Variants in SMCHD1 observed in about 807,000 individuals in gnomAD.
The protein encoded by SMCHD1 is structural maintenance of chromosomes flexible hinge domain-containing protein 1.
In SMCHD1, 78 loss-of-function variants were observed where a neutral mutation model predicts 254.7. The ratio of observed to expected loss-of-function variants is 0.31; its 90% confidence interval spans 0.26 to 0.37. SMCHD1 has a LOEUF of 0.37. Among genes scored for constraint, SMCHD1 ranks in the 10% least tolerant of loss-of-function variants. The pLI is 1.00. For missense variants in SMCHD1, 1,840 were observed against 2,408.1 expected, an observed-to-expected ratio of 0.76 and a Z score of 4.94; for synonymous variants, 766 against 794.9, an observed-to-expected ratio of 0.96 and a Z score of 0.61.
At chr18:2,695,324 T>G (rs2074263310) in intron 8 of SMCHD1, among the ~76,000 whole-genome samples, 1 of 151,876 alleles carries the variant, frequency 6.6e-6, no homozygotes, top group African/African-American at 2.4e-5. Flanking sequence ...TTTTTTTTTT[T>G]TTGAGACGGA....
At chr18:2,737,851 A>G (rs1373232523) in intron 25 of SMCHD1, among the ~76,000 whole-genome samples, 1 of 152,228 alleles carries the variant, frequency 6.6e-6, no homozygotes, top group Admixed American at 6.5e-5. Flanking sequence ...TAGAGCAAAC[A>G]ACTTGAAAAA....
intron 24 of SMCHD1, 39 bp downstream of exon 24, chr18:2,729,448 C>T: frequency 7.2e-7 from 1 of 1,390,490 alleles, no homozygotes; most frequent in East Asian, 2.7e-5. Flanking sequence ...TATATTGAGT[C>T]TTCATACAAA....
intron 10 of SMCHD1, among the ~76,000 whole-genome samples, chr18:2,700,290 T>C (rs1394213560): frequency 6.6e-6 from 1 of 152,208 alleles, no homozygotes; most frequent in East Asian, 1.9e-4. Context: ...TTTAGCCTCA[T>C]GAATAGGTTT....
chr18:2,728,473 G>A lies in SMCHD1; in HGVS notation c.2790G>A (p.Leu930=), dbSNP rs2075068076. The A allele has an allele frequency of 1.2e-6, 2 of 1,612,780 alleles. No individual in the cohort carries two copies. Among genetic ancestry groups the A allele is most frequent in the South Asian group, 1.1e-5 (1 of 90,926 alleles). The change falls in exon 23 of 48, where the codon CTG becomes CTA. Residue 930 remains leucine, a synonymous_variant. Transcript: ENST00000320876. ...IRLLPGHPRR[L]KVKPDSEILV... is the part of the protein sequence containing the mutation. Reference sequence around the variant, plus strand: ...TACTGTTAGGTCACCCTCGTCGACTGAAAGTGAAACCTGATTCTGAAATTT... The same window carrying A: ...TACTGTTAGGTCACCCTCGTCGACTAAAAGTGAAACCTGATTCTGAAATTT...
At chr18:2,712,538 A>G (rs967886575) in intron 17 of SMCHD1, among the ~76,000 whole-genome samples, 2 of 152,226 alleles carry the variant, frequency 1.3e-5, no homozygotes, top group African/African-American at 4.8e-5. Flanking sequence ...AACAGAGGCC[A>G]ACTTTTCATA....
In SMCHD1 at chr18:2,748,389, A is replaced by ATT. The variant is rs1378317162; in HGVS notation, c.3927+742_3927+743insTT. ...GTGTGTGTGTGTGTGTGTGTATATA[A>ATT]ATTTTTTTTTTTTTTTTTTTGGAGA... is the stretch of plus-strand genomic sequence containing the variant. On this transcript the variant is annotated intron_variant, in intron 30 of 47. Coordinates refer to ENST00000320876, the MANE Select transcript of SMCHD1 (RefSeq NM_015295.3). 6.6e-4 allele frequency among the ~76,000 whole-genome samples: 15 copies of ATT among 22,656 alleles called. 3 individuals are homozygous for ATT. Among genetic ancestry groups the ATT allele is most frequent in the Admixed American group, 4.8e-3 (11 of 2,284 alleles). The allele number at this position is 22,656 out of a possible 152,430, so 14.9% of individuals were successfully genotyped here.
At chr18:2,688,214 C>T (rs1163370692) in intron 5 of SMCHD1, among the ~76,000 whole-genome samples, 180 bp from the exon 6 acceptor site, 1 of 152,180 alleles carries the variant, frequency 6.6e-6, no homozygotes, top group Non-Finnish European at 1.5e-5. Context: ...ATGCATCTGG[C>T]CTGGGGACTA....
intron 1 of SMCHD1, among the ~76,000 whole-genome samples, chr18:2,661,242 C>T (rs573467198): frequency 6.6e-6 from 1 of 151,986 alleles, no homozygotes; most frequent in East Asian, 1.9e-4. Context: ...GGGCTTAAAT[C>T]CTAGATGACA....
At chr18:2,757,823 A>C (rs542118975) in intron 34 of SMCHD1, among the ~76,000 whole-genome samples, 2 of 152,162 alleles carry the variant, frequency 1.3e-5, no homozygotes, top group Non-Finnish European at 2.9e-5. Context: ...CTTAGTTTAC[A>C]TAAGAGAACA....
intron 1 of SMCHD1, 73 bp from the exon 2 acceptor site, chr18:2,666,084 A>C (rs1167883245): frequency 4.3e-6 from 3 of 699,978 alleles, no homozygotes; most frequent in African/African-American, 1.8e-5. Flanking sequence ...CAATATTTTC[A>C]TATTTTTATA....
intron 15 of SMCHD1, among the ~76,000 whole-genome samples, chr18:2,706,821 A>G (rs1340284306): frequency 6.6e-6 from 1 of 152,210 alleles, no homozygotes; most frequent in Non-Finnish European, 1.5e-5. Flanking sequence ...CACTGCTATA[A>G]AGATACTACC....
rs1335285728 is a variant in SMCHD1, at chr18:2,747,628, C to A, written c.3908C>A (p.Thr1303Lys). 3.8e-6 allele frequency: 6 copies of A among 1,589,630 alleles called. No homozygotes were observed. Among genetic ancestry groups the A allele is most frequent in the Non-Finnish European group, 5.1e-6 (6 of 1,167,294 alleles). The change falls in exon 30 of 48, where the codon ACA (threonine) becomes AAA (lysine). Residue 1303 changes from threonine (T) to lysine (K), a missense_variant. Thr to Lys is a moderately conservative substitution (Grantham distance 78). Transcript: ENST00000320876. ...APVQHVKISLTKASNLKLMPS... is the reference protein window; with the variant it reads ...APVQHVKISLKKASNLKLMPS... Reference sequence around the variant, plus strand: ...GTACAACATGTTAAAATAAGTCTTACAAAAGCTAGCAATTTAAAGGTAAGT... The same window carrying A: ...GTACAACATGTTAAAATAAGTCTTAAAAAAGCTAGCAATTTAAAGGTAAGT...
Position 2,718,362 on chromosome 18 carries a change from T to C in SMCHD1, c.2386T>C (p.Leu796=). The C allele has an allele frequency of 1.2e-6, 2 of 1,612,346 alleles. No individual in the cohort carries two copies. The highest frequency in any genetic ancestry group is 1.7e-6 in the Non-Finnish European group (2 of 1,178,738). The part of the protein sequence containing the change: ...GNYTLKLQVV[L]NESNADTYAG... ...TTATACCTTGAAATTACAAGTTGTGTTGAATGAAAGTAATGCAGACACTTA... is the reference window on the plus strand; with the variant it reads ...TTATACCTTGAAATTACAAGTTGTGCTGAATGAAAGTAATGCAGACACTTA... Residue 796 remains leucine, a synonymous_variant, in exon 19 of 48, where the codon TTG becomes CTG. Transcript: ENST00000320876. The surrounding 1 kb of genome is among the most constrained non-coding windows in gnomAD (Gnocchi z 4.6).
At chr18:2,701,693 A>G (rs1344753650) in intron 12 of SMCHD1, among the ~76,000 whole-genome samples, 2 of 152,216 alleles carry the variant, frequency 1.3e-5, no homozygotes, top group African/African-American at 4.8e-5. Flanking sequence ...TAATACAACA[A>G]GAATGATTTC....
Position 2,688,724 on chromosome 18 carries a change from A to G in SMCHD1, c.850A>G (p.Ser284Gly). The part of the protein sequence containing the change: ...KKEKNKEAIY[S>G]GYIRNRKPSD... ...GGAGAAAAATAAAGAGGCAATATAT[A>G]GTGGATATATTAGAAACAGAAAGGT... The change falls in exon 7 of 48, where the codon AGT becomes GGT. Residue 284 changes from serine (S) to glycine (G), a missense_variant. Physicochemically the swap from Ser to Gly is moderately conservative, Grantham distance 56. Around this residue, in one of 9 missense-constraint regions of SMCHD1, gnomAD observed 498 missense variants for 743.5 expected, o/e 0.67. Transcript: ENST00000320876. 7.1e-7 allele frequency: 1 copy of G among 1,401,372 alleles called. No individual in the cohort carries two copies. The allele number at this position is 1,401,372 out of a possible 1,614,324, so 86.8% of individuals were successfully genotyped here. A position where few individuals can be genotyped will look rare whatever the true frequency, so the allele number is the denominator to read the frequency against.
chr18:2,793,858 AT>A (rs2076214068), intron 45 of SMCHD1, among the ~76,000 whole-genome samples: 1 of 152,060 alleles, frequency 6.6e-6, no homozygotes, highest in Non-Finnish European at 1.5e-5. Context: ...CTAAGTGTAG[AT>A]TTCTAGAATA....
intron 34 of SMCHD1, among the ~76,000 whole-genome samples, chr18:2,759,060 A>G (rs886911989): frequency 2.0e-5 from 3 of 152,016 alleles, no homozygotes. Flanking sequence ...CAGTTAATCA[A>G]TGTATTAAAG....
rs765597752 is a variant in SMCHD1, at chr18:2,656,301, G to C, written c.186+40G>C. 4.2e-6 allele frequency: 6 copies of C among 1,412,154 alleles called. No homozygotes were observed. In the South Asian group the frequency reaches 4.8e-5, roughly 11 times the overall value. The allele number at this position is 1,412,154 out of a possible 1,614,324, so 87.5% of individuals were successfully genotyped here. A position where few individuals can be genotyped will look rare whatever the true frequency, so the allele number is the denominator to read the frequency against. ...GAGGAAGGGATGCGCGTGTAGACTT[G>C]GGGGCGGGAGGGTGATGAGAAACTC... On this transcript the variant is annotated intron_variant, in intron 1 of 47. Transcript: ENST00000320876.
chr18:2,743,951 T>A, intron 29 of SMCHD1, 23 bp downstream of exon 29: 1 of 1,563,506 alleles, frequency 6.4e-7, no homozygotes, highest in Non-Finnish European at 8.7e-7. Context: ...ATGTCTTCAC[T>A]GAAAGAATTT....
Sources: gnomAD v4.1 joint callset for allele counts (sites outside exome capture counted in the v4.1 genomes callset) on GRCh38, gnomAD v4.1.1 for gene constraint, gnomAD v4.1.1 regional missense constraint, Gnocchi (gnomAD v3.1) non-coding constraint, MANE v1.5 for transcripts, NCBI Gene and HGNC (gene_info 2026-07-23, HGNC 2026-07-21) for gene names.